The following AP3B2 variants were observed in gnomAD, a reference collection of about 807,000 sequenced individuals.
AP3B2 encodes AP-3 complex subunit beta-2.
A neutral mutation model predicts 126.9 loss-of-function variants in AP3B2; 50 were observed. That is an observed-to-expected ratio of 0.39 (90% CI 0.31 to 0.50). The LOEUF (loss-of-function observed/expected upper bound fraction) is 0.50. AP3B2 is among the 20% of genes least tolerant of loss of function. The probability of loss-of-function intolerance (pLI) is 0.79; values close to 1 mark genes in which losing one functional copy is unlikely to be tolerated. For missense variants in AP3B2, 1,177 were observed against 1,426.4 expected, an observed-to-expected ratio of 0.83 and a Z score of 2.82; for synonymous variants, 541 against 565.0, an observed-to-expected ratio of 0.96 and a Z score of 0.60.
rs1265296825 is a variant in AP3B2, at chr15:82,688,775, C to T, written c.321G>A (p.Leu107=). 2 of 1,613,192 alleles carry T rather than the reference C, an allele frequency of 1.2e-6. No individual in the cohort carries two copies. Among genetic ancestry groups the T allele is most frequent in the Non-Finnish European group, 8.5e-7 (1 of 1,179,582 alleles). The change falls in exon 4 of 27, where the codon CTG becomes CTA. Residue 107 remains leucine, a synonymous_variant. Coordinates refer to ENST00000535359, the MANE Select transcript of AP3B2 (RefSeq NM_001278512.2). ...LVRYAEEQQD[L]ALLSISTFQR... ...GGAAGGTGGAGATGGACAGCAGGGC[C>T]AGGTCTTGCTGCTCCTCAGCGTAGC...
chr15:82,662,017 AGAGT>A, intron 24 of AP3B2, 95 bp from the exon 25 acceptor site: 1 of 1,363,242 alleles, frequency 7.3e-7, no homozygotes, highest in Non-Finnish European at 1.0e-6. Flanking sequence ...AGGCAGTGAA[AGAGT>A]GAGGTCAGGA....
chr15:82,709,785 C>G lies in AP3B2; in HGVS notation c.-79G>C. On this transcript the variant is annotated 5_prime_UTR_variant, in exon 1 of 27. Coordinates refer to ENST00000535359, the MANE Select transcript of AP3B2 (RefSeq NM_001278512.2). Reference sequence around the variant, plus strand: ...TGGAGCGGAGGAAGGGAAGGCGGGCCGGTCCGGTCCGGGCTGGCGAAGGCG... The same window carrying G: ...TGGAGCGGAGGAAGGGAAGGCGGGCGGGTCCGGTCCGGGCTGGCGAAGGCG... 7 of 1,193,150 alleles carry G rather than the reference C, an allele frequency of 5.9e-6. No homozygotes were observed. Among genetic ancestry groups the G allele is most frequent in the Non-Finnish European group, 7.8e-6 (7 of 898,426 alleles). 73.9% of individuals were successfully genotyped at this position (1,193,150 alleles called of 1,614,324 possible).
chr15:82,662,090 C>T (rs73443019), intron 24 of AP3B2, 78 bp downstream of exon 24: 3 of 1,423,120 alleles, frequency 2.1e-6, no homozygotes, highest in Non-Finnish European at 9.7e-7. Flanking sequence ...CACTAAGCAC[C>T]ACCTCCATTT....
chr15:82,675,962 T>C (rs2048235350), intron 14 of AP3B2, among the ~76,000 whole-genome samples: 1 of 152,232 alleles, frequency 6.6e-6, no homozygotes, highest in Admixed American at 6.5e-5. Flanking sequence ...AGCCTCATCC[T>C]TGGCTGTGTA....
chr15:82,692,040 A>C, intron 1 of AP3B2: 9 of 1,481,384 alleles, frequency 6.1e-6, no homozygotes, highest in Non-Finnish European at 8.4e-6. Context: ...GAAGTCCTGA[A>C]ACAAGAACTC....
At chr15:82,677,578 G>C (rs999436780) in intron 12 of AP3B2, 93 bp downstream of exon 12, 4 of 1,453,472 alleles carry the variant, frequency 2.8e-6, no homozygotes, top group Non-Finnish European at 3.7e-6. Flanking sequence ...ATTGTGTCTA[G>C]GCAGACTGGT....
chr15:82,677,972 A>C (rs910646033), intron 11 of AP3B2, 133 bp downstream of exon 11: 21 of 1,370,794 alleles, frequency 1.5e-5, no homozygotes, highest in Admixed American at 6.5e-5. Context: ...AAAGCCAGCC[A>C]AACACATTGG....
chr15:82,663,297 T>C (rs763978309), intron 21 of AP3B2, 64 bp from the exon 22 acceptor site: 2 of 1,333,466 alleles, frequency 1.5e-6, no homozygotes, highest in South Asian at 2.5e-5. Context: ...GCAGGGAGCC[T>C]AGGGATCAAG....
chr15:82,666,692 C>CT, intron 15 of AP3B2, 55 bp downstream of exon 15: 1 of 1,570,166 alleles, frequency 6.4e-7, no homozygotes, highest in Non-Finnish European at 8.7e-7. Flanking sequence ...GGCAGAGACT[C>CT]TGGCCAGTTC....
rs144905151 is a variant in AP3B2, at chr15:82,697,353, A to T, written c.114-7900T>A. 5.8e-3 allele frequency among the ~76,000 whole-genome samples: 889 copies of T among 152,294 alleles called. 7 individuals carry two copies. Among genetic ancestry groups the T allele is most frequent in the Middle Eastern group, 0.034 (10 of 294 alleles). On this transcript the variant is annotated intron_variant, in intron 1 of 26. Coordinates refer to ENST00000535359, the MANE Select transcript of AP3B2 (RefSeq NM_001278512.2). ...CATCTCAAAAATAAAAAATAAAAAA[A>T]AAATCAATGTGTGCAAAGTTAGTCA...
intron 1 of AP3B2, among the ~76,000 whole-genome samples, chr15:82,698,533 C>A (rs971078836): frequency 1.3e-4 from 19 of 151,874 alleles, no homozygotes; most frequent in Non-Finnish European, 2.6e-4. Flanking sequence ...ACACAGATAA[C>A]TTGGACCAAA....
rs372237808 is a variant in AP3B2 at position 82,677,520 on chromosome 15, G to T, written c.1379-137C>A. The T allele has an allele frequency of 1.9e-4, 259 of 1,366,348 alleles. 2 individuals carry two copies. The South Asian group carries it at 3.2e-3, about 17-fold the overall frequency. The allele number at this position is 1,366,348 out of a possible 1,614,324, so 84.6% of individuals were successfully genotyped here. ...CAGTTCTCTAGCAGCCCTCAGAGGTGTAGGAACACTTGGGCCCTGATCAAG... is the reference window on the plus strand; with the variant it reads ...CAGTTCTCTAGCAGCCCTCAGAGGTTTAGGAACACTTGGGCCCTGATCAAG... On this transcript the variant is annotated intron_variant, in intron 12 of 26. Transcript: ENST00000535359.
At position 82,680,969 on chromosome 15, in the gene AP3B2, G is replaced by T; in HGVS notation, c.639C>A (p.Arg213=). The T allele has an allele frequency of 6.2e-7, 1 of 1,613,904 alleles. No homozygotes were observed. The highest frequency in any genetic ancestry group is 8.5e-7 in the Non-Finnish European group (1 of 1,179,878). Residue 213 remains arginine, a synonymous_variant, in exon 7 of 27, where the codon CGC becomes CGA. Transcript: ENST00000535359. The surrounding 1 kb of genome is among the most constrained non-coding windows in gnomAD (Gnocchi z 6.1). ...GGTAGTTTTTGTGAATCAGGTCGATGCGCTCCGGGCAGACCTCCTCAAAGG... is the reference window on the plus strand; with the variant it reads ...GGTAGTTTTTGTGAATCAGGTCGATTCGCTCCGGGCAGACCTCCTCAAAGG... ...VMAFEEVCPE[R]IDLIHKNYRK...
chr15:82,676,208 C>T (rs1474295544), intron 14 of AP3B2, among the ~76,000 whole-genome samples: 1 of 152,176 alleles, frequency 6.6e-6, no homozygotes, highest in Non-Finnish European at 1.5e-5. Context: ...AGGTGGCAGA[C>T]AGGACTCTTG....
chr15:82,692,315 G>A (rs185079567), intron 1 of AP3B2: 2 of 607,664 alleles, frequency 3.3e-6, no homozygotes, highest in Non-Finnish European at 5.6e-6. Context: ...CGCGCACGTT[G>A]GAAGGCTCAC....
intron 1 of AP3B2, among the ~76,000 whole-genome samples, chr15:82,703,406 C>CTGTGT (rs1181264799): frequency 2.2e-4 from 29 of 130,244 alleles, no homozygotes; most frequent in South Asian, 7.2e-4. Flanking sequence ...CCCCTTCTCT[C>CTGTGT]CGTGTCTCTA....
chr15:82,687,821 A>G (rs1239412908), intron 4 of AP3B2: 1 of 152,230 alleles, frequency 6.6e-6, no homozygotes, highest in Non-Finnish European at 1.5e-5. Flanking sequence ...AACTAAAAGT[A>G]TCCAGGCTAG....
At chr15:82,663,276 G>C (rs1366137335) in intron 21 of AP3B2, 43 bp from the exon 22 acceptor site, 1 of 1,501,346 alleles carries the variant, frequency 6.7e-7, no homozygotes, top group Non-Finnish European at 9.2e-7. Context: ...AGTGGAGGTG[G>C]CTTGGGTTGA....
chr15:82,688,487 T>A (rs1437196027), intron 4 of AP3B2: 2 of 702,408 alleles, frequency 2.8e-6, no homozygotes, highest in Non-Finnish European at 5.2e-6. Flanking sequence ...AAGCAGCCAT[T>A]ACCACAGGCT....
Sources: gnomAD v4.1 joint callset for allele counts (sites outside exome capture counted in the v4.1 genomes callset) on GRCh38, gnomAD v4.1.1 for gene constraint, Gnocchi (gnomAD v3.1) non-coding constraint, MANE v1.5 for transcripts, NCBI Gene and HGNC (gene_info 2026-07-23, HGNC 2026-07-21) for gene names.